Variants in KDM4B observed in about 807,000 individuals in gnomAD.
KDM4B encodes the protein lysine demethylase 4B.
A neutral mutation model predicts 125.2 loss-of-function variants in KDM4B; 32 were observed. The observed-to-expected ratio is 0.26, with a 90% confidence interval of 0.19 to 0.34. KDM4B has a LOEUF of 0.34. KDM4B is among the 10% of genes least tolerant of loss of function. KDM4B has a pLI of 1.00. For missense variants in KDM4B, 1,190 were observed against 1,577.7 expected (o/e 0.75, Z 4.16); for synonymous variants, 721 against 677.9 (o/e 1.06, Z -0.99).
At chr19:5,135,291 C>G in intron 14 of KDM4B, 48 bp from the exon 15 acceptor site, 1 of 1,386,180 alleles carries the variant, frequency 7.2e-7, no homozygotes, top group Non-Finnish European at 1.0e-6. Flanking sequence ...GCCCGCCCGC[C>G]TGCCCCACAC....
At chr19:4,995,629 TTTTGA>T (rs2145403354) in intron 1 of KDM4B, among the ~76,000 whole-genome samples, 1 of 152,270 alleles carries the variant, frequency 6.6e-6, no homozygotes, top group South Asian at 2.1e-4. Context: ...GCCATCATCG[TTTTGA>T]TGATCATTCA....
At chr19:5,008,450 G>C (rs1231933121) in intron 1 of KDM4B, among the ~76,000 whole-genome samples, 3 of 152,158 alleles carry the variant, frequency 2.0e-5, no homozygotes, top group African/African-American at 7.2e-5. Flanking sequence ...CTAGTCTTGA[G>C]TGTAGATGTT....
Position 5,151,634 on chromosome 19 carries a change from G to C in KDM4B, c.*123G>C, listed in dbSNP as rs1211899224. 1 of 907,680 alleles carries C rather than the reference G, an allele frequency of 1.1e-6. No homozygotes were observed. Among genetic ancestry groups the C allele is most frequent in the Non-Finnish European group, 1.5e-6 (1 of 686,296 alleles). 56.2% of individuals were successfully genotyped at this position (907,680 alleles called of 1,614,324 possible). ...CCCCGAGAGGCCACCTCCAAGCCGC[G>C]GGTGCCCCCTAGGGCGACAGGAGCC... On this transcript the variant is annotated 3_prime_UTR_variant, in exon 23 of 23. Coordinates refer to ENST00000159111, the MANE Select transcript of KDM4B (RefSeq NM_015015.3).
intron 9 of KDM4B, among the ~76,000 whole-genome samples, chr19:5,098,566 A>G (rs1485104184): frequency 6.6e-6 from 1 of 152,104 alleles, no homozygotes; most frequent in African/African-American, 2.4e-5. Flanking sequence ...TGGTCCATCT[A>G]GTTCCCTAGA....
At chr19:4,994,020 G>GTGTTTT (rs2035113633) in intron 1 of KDM4B, among the ~76,000 whole-genome samples, 1 of 66,676 alleles carries the variant, frequency 1.5e-5, no homozygotes. Flanking sequence ...TTTTCAGCCT[G>GTGTTTT]TTTTTTTTTT....
chr19:5,078,825 C>A lies in KDM4B; in HGVS notation c.780+1355C>A, dbSNP rs1383674788. The A allele has an allele frequency of 1.3e-5, 2 of 152,138 alleles. No individual in the cohort carries two copies. The highest frequency in any genetic ancestry group is 6.5e-5 in the Admixed American group (1 of 15,280). 9.4% of individuals were successfully genotyped at this position (152,138 alleles called of 1,614,324 possible). On this transcript the variant is annotated intron_variant, in intron 8 of 22. Transcript: ENST00000159111. This position sits in a 1 kb window ranked among gnomAD's most constrained non-coding sequence, Gnocchi z 4.5. ...CACCATGCATGGTAGCAGGCGGGGT[C>A]CAGGCAGTACGGCTGCGCTCCCCAA...
chr19:5,047,278 T>A (rs949020624), intron 5 of KDM4B, 198 bp from the exon 6 acceptor site: 1 of 548,478 alleles, frequency 1.8e-6, no homozygotes, highest in Admixed American at 3.4e-5. Context: ...CACTCCAGCC[T>A]GGGCAAGAAT....
intron 1 of KDM4B, among the ~76,000 whole-genome samples, chr19:4,998,307 G>T (rs1472476469): frequency 1.3e-5 from 2 of 152,160 alleles, no homozygotes; most frequent in African/African-American, 4.8e-5. Flanking sequence ...GGTTTTCTTG[G>T]CTCTTCACCC....
chr19:5,116,115 C>G (rs1048050299), intron 10 of KDM4B, among the ~76,000 whole-genome samples: 3 of 151,764 alleles, frequency 2.0e-5, no homozygotes, highest in African/African-American at 7.3e-5. Flanking sequence ...GCTCACCAGA[C>G]TGGGGCTGGG....
intron 6 of KDM4B, among the ~76,000 whole-genome samples, chr19:5,053,546 C>T (rs934150383): frequency 1.3e-5 from 2 of 152,294 alleles, no homozygotes; most frequent in East Asian, 1.9e-4. Flanking sequence ...GGTTCCTGCC[C>T]GCCAAGGCCT....
At chr19:5,037,642 T>A (rs564229481) in intron 3 of KDM4B, among the ~76,000 whole-genome samples, 35 of 152,338 alleles carry the variant, frequency 2.3e-4, no homozygotes, top group Non-Finnish European at 5.9e-5. Flanking sequence ...TTCTCTTCGC[T>A]TGGCACTGTG....
intron 18 of KDM4B, chr19:5,140,854 C>G (rs1331061076): frequency 6.6e-6 from 1 of 152,238 alleles, no homozygotes; most frequent in Non-Finnish European, 1.5e-5. Flanking sequence ...ACTCCGGCCT[C>G]TGCACACGTG....
chr19:5,089,765 G>T (rs1047223704), intron 9 of KDM4B, among the ~76,000 whole-genome samples: 9 of 151,614 alleles, frequency 5.9e-5, no homozygotes, highest in South Asian at 2.1e-4. Context: ...GGGGAGGGAA[G>T]AGTGGGGTCC....
intron 1 of KDM4B, among the ~76,000 whole-genome samples, chr19:5,016,006 C>T (rs1330229437): frequency 2.0e-5 from 3 of 152,194 alleles, no homozygotes; most frequent in Non-Finnish European, 2.9e-5. Flanking sequence ...TGACTGTTCA[C>T]GGATACTCCC....
In KDM4B at chr19:5,041,079, T is replaced by C. The variant is rs568311856; in HGVS notation, c.318-58T>C. ...GCCCTGGGTTCCAGGTGGCTGAGGG[T>C]GGGCTGCGTAGCACCCAGGCCTCAC... On this transcript the variant is annotated intron_variant, in intron 4 of 22. Transcript: ENST00000159111. 46 of 1,164,234 alleles carry C rather than the reference T, an allele frequency of 4.0e-5. No individual in the cohort carries two copies. In the African/African-American group the frequency reaches 6.3e-4, roughly 16 times the overall value. The allele number at this position is 1,164,234 out of a possible 1,614,324, so 72.1% of individuals were successfully genotyped here. A position where few individuals can be genotyped will look rare whatever the true frequency, so the allele number is the denominator to read the frequency against.
chr19:5,039,699 T>A (rs2036742781), intron 3 of KDM4B, 137 bp from the exon 4 acceptor site: 1 of 888,614 alleles, frequency 1.1e-6, no homozygotes, highest in Non-Finnish European at 1.7e-6. Flanking sequence ...ATGGGGGGGT[T>A]CCTCGTGCCC....
chr19:4,973,415 C>G (rs891790843), intron 1 of KDM4B, among the ~76,000 whole-genome samples: 6 of 152,164 alleles, frequency 3.9e-5, no homozygotes, highest in Admixed American at 3.9e-4. Flanking sequence ...TCTCAAACTC[C>G]TGACCTCAAG....
Position 4,997,141 on chromosome 19 carries a change from C to T in KDM4B, c.-108-19116C>T, listed in dbSNP as rs754101335. Among the ~76,000 whole-genome samples the T allele has an allele frequency of 3.1e-4, 47 of 152,336 alleles. No homozygotes were observed. Among genetic ancestry groups the T allele is most frequent in the Non-Finnish European group, 5.0e-4 (34 of 68,028 alleles). ...CATCGGAAGGCATCCTCTGGGGGCACGATCAGCCTTGGTGGAGAACCCCTG... is the reference window on the plus strand; with the variant it reads ...CATCGGAAGGCATCCTCTGGGGGCATGATCAGCCTTGGTGGAGAACCCCTG... On this transcript the variant is annotated intron_variant, in intron 1 of 22. Transcript: ENST00000159111. This position sits in a 1 kb window ranked among gnomAD's most constrained non-coding sequence, Gnocchi z 4.2.
chr19:5,089,653 T>G (rs2038624166), intron 9 of KDM4B, among the ~76,000 whole-genome samples: 1 of 151,608 alleles, frequency 6.6e-6, no homozygotes. Flanking sequence ...TGGGATACCT[T>G]AAAAATATGC....
Sources: allele counts gnomAD v4.1 joint callset (sites outside exome capture counted in the v4.1 genomes callset), GRCh38; gene constraint gnomAD v4.1.1; non-coding constraint Gnocchi (gnomAD v3.1); transcripts MANE v1.5; gene names NCBI Gene and HGNC (gene_info 2026-07-23, HGNC 2026-07-21).